MRPS5: variants seen among roughly 807,000 people sequenced by gnomAD.
MRPS5 encodes the protein mitochondrial ribosomal protein S5, also known as small ribosomal subunit protein uS5m.
MRPS5 carries 27 observed loss-of-function variants against 51.9 expected under a neutral mutation model. The observed-to-expected ratio is 0.52, with a 90% CI of 0.38 to 0.72. The LOEUF (loss-of-function observed/expected upper bound fraction) is 0.72, where lower values mean the gene tolerates loss of function less well. Among genes scored for constraint, MRPS5 ranks in the 30% least tolerant of loss-of-function variants. The pLI is 0.00. For synonymous variants in MRPS5, 196 were observed against 193.2 expected (o/e 1.01, Z -0.12); for missense variants, 570 against 545.7 (o/e 1.04, Z -0.44).
intron 9 of MRPS5, 39 bp from the exon 10 acceptor site, chr2:95,100,575 G>C: frequency 6.7e-7 from 1 of 1,482,062 alleles, no homozygotes; most frequent in South Asian, 1.2e-5. Context: ...GATTAGGTGT[G>C]TGGCTTTAAT....
At position 95,101,711 on chromosome 2, in the gene MRPS5, C is replaced by T. The variant is rs894529118; in HGVS notation, c.776G>A (p.Gly259Glu). The T allele has an allele frequency of 6.3e-7, 1 of 1,598,518 alleles. No individual in the cohort carries two copies. The highest frequency in any genetic ancestry group is 2.2e-5 in the East Asian group (1 of 44,660). ...AGCATCCATCCGATCAGTAGCTTTC[C>T]CAATAGAAAAACCTTTAAACAAAAA... is the stretch of plus-strand genomic sequence containing the variant. ...NGKGAAGFSI[G>E]KATDRMDAFR... The change falls in exon 8 of 12, where the codon GGG (glycine) becomes GAG (glutamate). Residue 259 changes from glycine to glutamate, a missense_variant. Coordinates refer to ENST00000272418, the MANE Select transcript of MRPS5 (RefSeq NM_031902.5).
Position 95,108,791 on chromosome 2 carries a change from T to C in MRPS5, c.404-383A>G, listed in dbSNP as rs567387361. ...AACAAGGTAACTCTCTAGGTTCTGA[T>C]GTGGAATGATTTCCAAGACCTATTA... On this transcript the variant is annotated intron_variant, in intron 4 of 11. Transcript: ENST00000272418. 8.5e-5 allele frequency among the ~76,000 whole-genome samples: 13 copies of C among 152,324 alleles called. No homozygotes were observed. The South Asian group carries it at 1.7e-3, about 19-fold the overall frequency.
In MRPS5 at chr2:95,085,488, C is replaced by T. The variant is rs958256222; in HGVS notation, c.*1869G>A. ...ACAGATAAGTTTTAGGAAATAACTA[C>T]CTTACTCTAGCAAAATACCACACAC... On this transcript the variant is annotated 3_prime_UTR_variant, in exon 12 of 12. Coordinates refer to ENST00000272418, the MANE Select transcript of MRPS5 (RefSeq NM_031902.5). 9.9e-5 allele frequency among the ~76,000 whole-genome samples: 15 copies of T among 152,280 alleles called. No individual in the cohort carries two copies. Among genetic ancestry groups the T allele is most frequent in the African/African-American group, 3.6e-4 (15 of 41,564 alleles).
At chr2:95,104,555 T>C (rs1675893847) in intron 7 of MRPS5, 85 bp downstream of exon 7, 13 of 1,405,546 alleles carry the variant, frequency 9.2e-6, no homozygotes, top group Non-Finnish European at 1.2e-5. Context: ...GCCAGCAGCA[T>C]GAGCCCATGG....
chr2:95,095,188 T>A (rs1216102808), intron 10 of MRPS5, among the ~76,000 whole-genome samples: 1 of 152,196 alleles, frequency 6.6e-6, no homozygotes, highest in Non-Finnish European at 1.5e-5. Context: ...ATCCTAAATA[T>A]ATATGCATCC....
intron 11 of MRPS5, among the ~76,000 whole-genome samples, chr2:95,089,136 T>TC (rs1293657995): frequency 6.6e-6 from 1 of 152,088 alleles, no homozygotes; most frequent in East Asian, 1.9e-4. Flanking sequence ...ATACAACCTA[T>TC]CTAAAATCAA....
chr2:95,103,529 T>C (rs1199078179), intron 7 of MRPS5, among the ~76,000 whole-genome samples: 1 of 152,212 alleles, frequency 6.6e-6, no homozygotes, highest in Non-Finnish European at 1.5e-5. Flanking sequence ...GGAATATTTA[T>C]CAGCACTTAA....
At chr2:95,103,919 T>G (rs1214638813) in intron 7 of MRPS5, 1 of 152,184 alleles carries the variant, frequency 6.6e-6, no homozygotes, top group East Asian at 1.9e-4. Flanking sequence ...AAGTAGCTGT[T>G]AGGCCTGGTT....
At chr2:95,101,366 AAG>A (rs759220543) in intron 8 of MRPS5, among the ~76,000 whole-genome samples, 4 of 151,826 alleles carry the variant, frequency 2.6e-5, no homozygotes, top group Non-Finnish European at 5.9e-5. Context: ...CCTGGGTGAC[AAG>A]AGTGAGACAA....
At chr2:95,087,706 G>A (rs1675338770) in intron 11 of MRPS5, 125 bp from the exon 12 acceptor site, 3 of 787,208 alleles carry the variant, frequency 3.8e-6, no homozygotes, top group Admixed American at 5.8e-5. Context: ...GTGGATTTGG[G>A]TTAATGTGTT....
Position 95,087,315 on chromosome 2 carries a change from G to C in MRPS5, c.*42C>G. On this transcript the variant is annotated 3_prime_UTR_variant, in exon 12 of 12. Coordinates refer to ENST00000272418, the MANE Select transcript of MRPS5 (RefSeq NM_031902.5). ...CTGTGAGGGGCTGAGTCTCTCCTAG[G>C]TGCAGGGCAGCACAGGAACTGGCTG... 5 of 1,542,064 alleles carry C rather than the reference G, an allele frequency of 3.2e-6. No homozygotes were observed. The highest frequency in any genetic ancestry group is 4.5e-6 in the Non-Finnish European group (5 of 1,115,766).
Position 95,085,994 on chromosome 2 carries a change from C to T in MRPS5, c.*1363G>A, listed in dbSNP as rs1329404939. Among the ~76,000 whole-genome samples the T allele has an allele frequency of 1.3e-5, 2 of 151,982 alleles. No individual in the cohort carries two copies. Among genetic ancestry groups the T allele is most frequent in the African/African-American group, 4.8e-5 (2 of 41,362 alleles). On this transcript the variant is annotated 3_prime_UTR_variant, in exon 12 of 12. Coordinates refer to ENST00000272418, the MANE Select transcript of MRPS5 (RefSeq NM_031902.5). ...GCATGAACAAGGCTCACTGCAGCCT[C>T]AACCTCCTGCAATCAAATGATCCTC... is the stretch of plus-strand genomic sequence containing the variant.
At chr2:95,087,677 G>A in intron 11 of MRPS5, 96 bp from the exon 12 acceptor site, 1 of 988,122 alleles carries the variant, frequency 1.0e-6, no homozygotes, top group Non-Finnish European at 1.5e-6. Context: ...CAGCCTGGGG[G>A]TATTCAAAGG....
intron 10 of MRPS5, among the ~76,000 whole-genome samples, chr2:95,097,675 T>C (rs1420537173): frequency 6.6e-6 from 1 of 152,206 alleles, no homozygotes; most frequent in Non-Finnish European, 1.5e-5. Context: ...ATCCCTTCCT[T>C]ACACCTTATA....
chr2:95,089,057 G>T (rs1675383073), intron 11 of MRPS5, among the ~76,000 whole-genome samples: 1 of 152,184 alleles, frequency 6.6e-6, no homozygotes, highest in African/African-American at 2.4e-5. Flanking sequence ...GACAGAGCAA[G>T]ACTCTGTCTC....
chr2:95,112,517 A>C (rs1264948117), intron 3 of MRPS5, among the ~76,000 whole-genome samples: 2 of 152,252 alleles, frequency 1.3e-5, no homozygotes, highest in Non-Finnish European at 2.9e-5. Context: ...CCTCTACAGA[A>C]AACAGATAGG....
intron 2 of MRPS5, among the ~76,000 whole-genome samples, chr2:95,117,418 G>C (rs932019195): frequency 6.6e-6 from 1 of 151,478 alleles, no homozygotes; most frequent in Non-Finnish European, 1.5e-5. Flanking sequence ...TAACTCAGCT[G>C]TAAATATACA....
At chr2:95,103,993 G>A (rs1174570752) in intron 7 of MRPS5, 1 of 152,108 alleles carries the variant, frequency 6.6e-6, no homozygotes, top group Non-Finnish European at 1.5e-5. Context: ...GGGCTAACTA[G>A]GCCATTTTCC....
At position 95,106,450 on chromosome 2, in the gene MRPS5, A is replaced by T. The variant is rs567995898; in HGVS notation, c.645T>A (p.Tyr215Ter). 2 of 1,611,368 alleles carry T rather than the reference A, an allele frequency of 1.2e-6. No homozygotes were observed. The highest frequency in any genetic ancestry group is 1.7e-5 in the Admixed American group (1 of 59,902). ...CAAGTATCCTGGTATCAAAATCCTC[A>T]TATGTTTCTGTAGGGAGAAAAGAAA... ...PPDPGPCGET[Y>*]EDFDTRILEV... is the part of the protein sequence containing the mutation. Residue 215 changes from tyrosine to a stop codon, truncating the protein, a stop_gained, in exon 6 of 12, where the codon TAT (tyrosine) becomes TAA (stop). Coordinates refer to ENST00000272418, the MANE Select transcript of MRPS5 (RefSeq NM_031902.5). LOFTEE classifies it high-confidence loss of function.
Sources: gnomAD v4.1 joint callset for allele counts (sites outside exome capture counted in the v4.1 genomes callset) on GRCh38, gnomAD v4.1.1 for gene constraint, MANE v1.5 for transcripts, NCBI Gene and HGNC (gene_info 2026-07-23, HGNC 2026-07-21) for gene names.